Variants in ERP44 observed in about 807,000 individuals in gnomAD.
ERP44 encodes endoplasmic reticulum protein 44, also known as endoplasmic reticulum resident protein 44.
Under a neutral mutation model 53.4 loss-of-function variants are expected in ERP44, and 25 were observed. That is an observed-to-expected ratio of 0.47 (90% CI 0.34 to 0.65). ERP44 has a LOEUF of 0.65. Among genes scored for constraint, ERP44 ranks in the 30% least tolerant of loss-of-function variants. ERP44 has a pLI of 0.01. For missense variants in ERP44, 338 were observed against 493.2 expected (o/e 0.69, Z 2.98); for synonymous variants, 145 against 161.2 (o/e 0.90, Z 0.76).
At chr9:100,093,647 G>A (rs564870317) in intron 1 of ERP44, among the ~76,000 whole-genome samples, 2 of 151,752 alleles carry the variant, frequency 1.3e-5, no homozygotes, top group Middle Eastern at 3.4e-3. Flanking sequence ...TGTCTGTGGG[G>A]GGGGAAAAAA....
In ERP44 at chr9:100,098,980, C is replaced by T. The variant is rs1564109922; in HGVS notation, c.-140G>A. On this transcript the variant is annotated 5_prime_UTR_variant, in exon 1 of 12. Coordinates refer to ENST00000262455, the MANE Select transcript of ERP44 (RefSeq NM_015051.3). ...GGCAGCGGCACCTCGTCCTCTCGAC[C>T]CGGGCTCCAGCGGCGAACACCCGGG... is the stretch of plus-strand genomic sequence containing the variant. 1 of 662,262 alleles carries T rather than the reference C, an allele frequency of 1.5e-6. No individual in the cohort carries two copies. The highest frequency in any genetic ancestry group is 2.6e-6 in the Non-Finnish European group (1 of 377,574). The allele number at this position is 662,262 out of a possible 1,614,324, so 41.0% of individuals were successfully genotyped here. A position where few individuals can be genotyped will look rare whatever the true frequency, so the allele number is the denominator to read the frequency against.
chr9:100,098,716 G>A, intron 1 of ERP44, 68 bp downstream of exon 1: 1 of 1,299,704 alleles, frequency 7.7e-7, no homozygotes, highest in Non-Finnish European at 1.1e-6. Context: ...GAGTAGCAGT[G>A]TTCCCCCTGG....
At chr9:100,040,430 A>C (rs1825888439) in intron 4 of ERP44, among the ~76,000 whole-genome samples, 1 of 152,212 alleles carries the variant, frequency 6.6e-6, no homozygotes, top group African/African-American at 2.4e-5. Flanking sequence ...TGATTATTTC[A>C]ATTGATGCTG....
intron 1 of ERP44, among the ~76,000 whole-genome samples, chr9:100,090,933 G>A (rs1826547895): frequency 6.6e-6 from 1 of 151,814 alleles, no homozygotes; most frequent in Admixed American, 6.6e-5. Flanking sequence ...TGTCAAACAT[G>A]ACCTAACAAC....
chr9:100,031,220 A>G (rs1587968767), intron 4 of ERP44, among the ~76,000 whole-genome samples: 1 of 151,898 alleles, frequency 6.6e-6, no homozygotes, highest in African/African-American at 2.4e-5. Context: ...TTTCCTTCTC[A>G]TTTTGTTCTA....
intron 1 of ERP44, among the ~76,000 whole-genome samples, chr9:100,077,363 G>A (rs980878366): frequency 2.6e-5 from 4 of 152,184 alleles, no homozygotes; most frequent in South Asian, 2.1e-4. Context: ...TTGACAGAAC[G>A]ATGGAATCGC....
intron 10 of ERP44, among the ~76,000 whole-genome samples, chr9:100,001,676 A>C (rs796326511): frequency 2.0e-5 from 3 of 152,178 alleles, no homozygotes; most frequent in African/African-American, 7.2e-5. Context: ...ATATCTGTTT[A>C]CCTCCCTTCA....
chr9:100,024,824 C>T (rs1830636101), intron 4 of ERP44, among the ~76,000 whole-genome samples: 1 of 152,138 alleles, frequency 6.6e-6, no homozygotes, highest in Non-Finnish European at 1.5e-5. Flanking sequence ...TCATGTTGTT[C>T]TCTTTCAAAA....
intron 1 of ERP44, among the ~76,000 whole-genome samples, chr9:100,084,348 C>T (rs16918878): frequency 0.26 from 39,817 of 152,048 alleles, 5,493 homozygotes; most frequent in South Asian, 0.37. Context: ...GTACAATGTG[C>T]CACTCTGGAC....
At chr9:100,095,414 A>G (rs1826615175) in intron 1 of ERP44, among the ~76,000 whole-genome samples, 2 of 152,214 alleles carry the variant, frequency 1.3e-5, no homozygotes, top group Admixed American at 1.3e-4. Flanking sequence ...GATGGACTTT[A>G]TATAGCCCTT....
At chr9:100,070,026 C>T (rs1473296385) in intron 1 of ERP44, among the ~76,000 whole-genome samples, 1 of 151,998 alleles carries the variant, frequency 6.6e-6, no homozygotes, top group Non-Finnish European at 1.5e-5. Context: ...TCTCAATGTG[C>T]GGAAAAAAAT....
chr9:100,004,145 T>TGCAGGTGCTGGCCTGGGGG (rs1289224008), intron 10 of ERP44, among the ~76,000 whole-genome samples: 1 of 152,096 alleles, frequency 6.6e-6, no homozygotes, highest in East Asian at 1.9e-4. Flanking sequence ...AGGCTGAGTG[T>TGCAGGTGCTGGCCTGGGGG]GCAGGTGCTG....
intron 8 of ERP44, 87 bp downstream of exon 8, chr9:100,016,235 T>C: frequency 6.7e-7 from 1 of 1,501,106 alleles, no homozygotes; most frequent in South Asian, 1.4e-5. Context: ...AATTCATAAC[T>C]CTGTTAACAT....
chr9:100,020,803 T>C, intron 5 of ERP44, 72 bp from the exon 6 acceptor site: 2 of 767,140 alleles, frequency 2.6e-6, no homozygotes, highest in South Asian at 3.1e-5. Flanking sequence ...ATTTACCCGT[T>C]ATCTTAGTAC....
chr9:100,001,615 T>C (rs1440661428), intron 10 of ERP44, among the ~76,000 whole-genome samples: 1 of 152,180 alleles, frequency 6.6e-6, no homozygotes, highest in Admixed American at 6.5e-5. Flanking sequence ...TTGACTTAAA[T>C]GTTATATAAT....
At chr9:99,988,092 G>A (rs1017966185) in intron 10 of ERP44, among the ~76,000 whole-genome samples, 3 of 152,196 alleles carry the variant, frequency 2.0e-5, no homozygotes, top group African/African-American at 7.2e-5. Context: ...AGCAATGTAT[G>A]AAACTTCCAG....
rs1384736730 is a variant in ERP44, at chr9:100,068,718, G to A, written c.58-8546C>T. On this transcript the variant is annotated intron_variant, in intron 1 of 11. Transcript: ENST00000262455. Reference sequence around the variant, plus strand: ...CCGCCCCGTCCGGGAGGTGAGGGGCGCCTCTGCCCGGCCGCCCCTACTGGG... The same window carrying A: ...CCGCCCCGTCCGGGAGGTGAGGGGCACCTCTGCCCGGCCGCCCCTACTGGG... 8.7e-5 allele frequency among the ~76,000 whole-genome samples: 13 copies of A among 149,052 alleles called. No homozygotes were observed. The South Asian group carries it at 2.4e-3, about 27-fold the overall frequency.
intron 1 of ERP44, among the ~76,000 whole-genome samples, chr9:100,067,437 C>G (rs1439354153): frequency 1.3e-5 from 2 of 152,238 alleles, no homozygotes; most frequent in African/African-American, 4.8e-5. Flanking sequence ...GAGTGATCCG[C>G]CAGCCTCGGC....
In ERP44 at chr9:100,068,695, G is replaced by A. The variant is rs562862056; in HGVS notation, c.58-8523C>T. 5.4e-3 allele frequency among the ~76,000 whole-genome samples: 807 copies of A among 148,612 alleles called. 5 individuals carry two copies. Among genetic ancestry groups the A allele is most frequent in the Non-Finnish European group, 9.7e-3 (645 of 66,656 alleles). On this transcript the variant is annotated intron_variant, in intron 1 of 11. Transcript: ENST00000262455. ...GAGTCAACCCCCCACCCGGCCAGCC[G>A]CCCCGTCCGGGAGGTGAGGGGCGCC... is the stretch of plus-strand genomic sequence containing the variant.
Sources: allele counts gnomAD v4.1 joint callset (sites outside exome capture counted in the v4.1 genomes callset), GRCh38; gene constraint gnomAD v4.1.1; transcripts MANE v1.5; gene names NCBI Gene and HGNC (gene_info 2026-07-23, HGNC 2026-07-21).